FRY: variants seen among roughly 807,000 people sequenced by gnomAD.
FRY encodes FRY microtubule binding protein, also known as protein furry homolog.
Under a neutral mutation model 348.4 loss-of-function variants are expected in FRY, and 128 were observed. The observed-to-expected ratio is 0.37, with a 90% CI of 0.32 to 0.43. FRY has a LOEUF of 0.43. Ranked by LOEUF, FRY falls within the 20% of genes least tolerant of loss-of-function variation. The probability of loss-of-function intolerance (pLI) is 1.00; values close to 1 mark genes in which losing one functional copy is unlikely to be tolerated. For missense variants in FRY, 2,736 were observed against 3,695.2 expected, an observed-to-expected ratio of 0.74 and a Z score of 6.73; for synonymous variants, 1,370 against 1,374.7, an observed-to-expected ratio of 1.00 and a Z score of 0.08.
rs116623858 is a variant in FRY, at chr13:32,112,867, A to T, written c.325-4467A>T. 2.2e-3 allele frequency among the ~76,000 whole-genome samples: 332 copies of T among 152,362 alleles called. 3 individuals are homozygous for T. Among genetic ancestry groups the T allele is most frequent in the African/African-American group, 6.3e-3 (264 of 41,588 alleles). ...TTCCGGAAAAGGAAGCAGATGAAGA[A>T]TGTAAGCAATTAAGAGTGAAAACAA... is the stretch of plus-strand genomic sequence containing the variant. On this transcript the variant is annotated intron_variant, in intron 3 of 60. Coordinates refer to ENST00000542859, the MANE Select transcript of FRY (RefSeq NM_023037.3).
chr13:32,183,091 T>G, intron 24 of FRY, 57 bp downstream of exon 24: 1 of 1,020,470 alleles, frequency 9.8e-7, no homozygotes, highest in Non-Finnish European at 1.5e-6. Flanking sequence ...CATCTGAATT[T>G]AAATCAAACC....
intron 23 of FRY, 152 bp from the exon 24 acceptor site, chr13:32,182,825 C>A: frequency 1.6e-6 from 1 of 612,984 alleles, no homozygotes; most frequent in Non-Finnish European, 3.0e-6. Context: ...CAGCTTAGCA[C>A]GTGATTGGGA....
intron 20 of FRY, among the ~76,000 whole-genome samples, chr13:32,177,399 G>A (rs184596269): frequency 4.0e-4 from 61 of 152,142 alleles, no homozygotes; most frequent in Admixed American, 2.6e-4. Flanking sequence ...AGACCAGCCT[G>A]ACCAACATGG....
chr13:32,292,777 C>T (rs139826557), intron 59 of FRY, among the ~76,000 whole-genome samples: 1,915 of 148,426 alleles, frequency 0.013, 37 homozygotes, highest in African/African-American at 0.045. Context: ...GGTGACAGAG[C>T]AAGACTCCAT....
At chr13:32,188,997 C>T (rs1242568853) in intron 28 of FRY, among the ~76,000 whole-genome samples, 2 of 152,094 alleles carry the variant, frequency 1.3e-5, no homozygotes, top group Non-Finnish European at 2.9e-5. Flanking sequence ...AATTAGGGCA[C>T]AAACTAAGTG....
intron 1 of FRY, among the ~76,000 whole-genome samples, chr13:32,033,548 C>T (rs539431749): frequency 1.3e-5 from 2 of 152,224 alleles, no homozygotes; most frequent in Non-Finnish European, 2.9e-5. Flanking sequence ...CCTTCCTAAA[C>T]TCCTCTCCCC....
chr13:32,157,325 G>T lies in FRY; in HGVS notation c.1704G>T (p.Arg568Ser). Residue 568 changes from arginine (R) to serine (S), a missense_variant, in exon 16 of 61, where the codon AGG (arginine) becomes AGT (serine). Around this residue, in one of 9 missense-constraint regions of FRY, gnomAD observed 191 missense variants for 370.2 expected, o/e 0.52. Coordinates refer to ENST00000542859, the MANE Select transcript of FRY (RefSeq NM_023037.3). ...GAAAAGCTGTAGACAACATTTTAAGGCACCTTGATAAAGAAGTAGGAAGGT... is the reference window on the plus strand; with the variant it reads ...GAAAAGCTGTAGACAACATTTTAAGTCACCTTGATAAAGAAGTAGGAAGGT... ...QVRKAVDNIL[R>S]HLDKEVGRCM... The T allele has an allele frequency of 6.2e-7, 1 of 1,612,188 alleles. No homozygotes were observed. Among genetic ancestry groups the T allele is most frequent in the Non-Finnish European group, 8.5e-7 (1 of 1,178,416 alleles).
chr13:32,214,395 C>T (rs755395884), intron 35 of FRY, among the ~76,000 whole-genome samples: 3 of 152,170 alleles, frequency 2.0e-5, no homozygotes, highest in Non-Finnish European at 2.9e-5. Flanking sequence ...TTGAATGTGG[C>T]CCAACACAAA....
At chr13:32,112,495 A>G (rs1460342514) in intron 3 of FRY, among the ~76,000 whole-genome samples, 1 of 152,146 alleles carries the variant, frequency 6.6e-6, no homozygotes, top group African/African-American at 2.4e-5. Context: ...CATCCCATAC[A>G]CTAGAGAAAC....
chr13:32,066,265 A>G (rs1181739988), intron 1 of FRY, among the ~76,000 whole-genome samples: 8 of 152,240 alleles, frequency 5.3e-5, no homozygotes, highest in Non-Finnish European at 8.8e-5. Context: ...TGGTGGTAAC[A>G]TTAACTTGTT....
At chr13:32,197,395 A>G (rs1443987189) in intron 29 of FRY, among the ~76,000 whole-genome samples, 1 of 152,206 alleles carries the variant, frequency 6.6e-6, no homozygotes, top group Non-Finnish European at 1.5e-5. Flanking sequence ...AATCCCAATC[A>G]CACTCCCTAA....
intron 11 of FRY, among the ~76,000 whole-genome samples, chr13:32,139,141 A>C (rs1386951611): frequency 6.6e-6 from 1 of 152,246 alleles, no homozygotes; most frequent in Non-Finnish European, 1.5e-5. Flanking sequence ...GGACCGTTTA[A>C]AAAATGTTAT....
chr13:32,290,218 A>C (rs1329642682), intron 59 of FRY, among the ~76,000 whole-genome samples: 1 of 152,160 alleles, frequency 6.6e-6, no homozygotes, highest in African/African-American at 2.4e-5. Context: ...AAAATATTTA[A>C]AATAAAATAA....
chr13:32,122,087 G>A (rs1460931081), intron 4 of FRY, among the ~76,000 whole-genome samples: 1 of 152,054 alleles, frequency 6.6e-6, no homozygotes, highest in Non-Finnish European at 1.5e-5. Context: ...TCAGTTAGCT[G>A]TAAACACCAC....
chr13:32,272,235 T>C (rs937230713), intron 55 of FRY, among the ~76,000 whole-genome samples: 6 of 152,230 alleles, frequency 3.9e-5, no homozygotes, highest in African/African-American at 7.2e-5. Context: ...TTTCCCAACA[T>C]TTCCCTGTAA....
At position 32,225,804 on chromosome 13, in the gene FRY, G is replaced by C; in HGVS notation, c.5036G>C (p.Arg1679Pro). The change falls in exon 39 of 61, where the codon CGG (arginine) becomes CCG (proline). Residue 1679 changes from arginine to proline, a missense_variant. Physicochemically the swap from Arg to Pro is moderately radical, Grantham distance 103. Around this residue, in one of 9 missense-constraint regions of FRY, gnomAD observed 794 missense variants for 977.0 expected, o/e 0.81. Coordinates refer to ENST00000542859, the MANE Select transcript of FRY (RefSeq NM_023037.3). The part of the protein sequence containing the change: ...HAVFLGLDHY[R>P]PEVFEHSKKL... ...TTTGTTCCAGGTTTAGACCACTACC[G>C]GCCTGAAGTCTTTGAACACAGCAAA... is the stretch of plus-strand genomic sequence containing the variant. 6.2e-7 allele frequency: 1 copy of C among 1,613,612 alleles called. No homozygotes were observed. Among genetic ancestry groups the C allele is most frequent in the South Asian group, 1.1e-5 (1 of 91,068 alleles).
intron 46 of FRY, among the ~76,000 whole-genome samples, chr13:32,243,190 G>A (rs778980654): frequency 1.3e-5 from 2 of 152,124 alleles, no homozygotes; most frequent in Non-Finnish European, 2.9e-5. Flanking sequence ...AGACAATTGT[G>A]TATCCTTCAT....
intron 1 of FRY, among the ~76,000 whole-genome samples, chr13:32,048,061 G>A (rs947282024): frequency 1.3e-5 from 2 of 152,032 alleles, no homozygotes; most frequent in African/African-American, 4.8e-5. Flanking sequence ...TGCTTTACCT[G>A]TCTGGGTCCC....
chr13:32,242,313 A>C (rs1886552195), intron 46 of FRY, among the ~76,000 whole-genome samples: 1 of 152,222 alleles, frequency 6.6e-6, no homozygotes, highest in African/African-American at 2.4e-5. Context: ...AACATATTCG[A>C]GAAGTTGGTC....
Sources: allele counts gnomAD v4.1 joint callset (sites outside exome capture counted in the v4.1 genomes callset), GRCh38; gene constraint gnomAD v4.1.1; regional missense constraint gnomAD v4.1.1; transcripts MANE v1.5; gene names NCBI Gene and HGNC (gene_info 2026-07-23, HGNC 2026-07-21).